IGF2BP2: variants seen among roughly 807,000 people sequenced by gnomAD.
IGF2BP2 encodes the protein insulin-like growth factor 2 mRNA-binding protein 2.
IGF2BP2 carries 17 observed loss-of-function variants against 75.8 expected under a neutral mutation model. The observed-to-expected ratio is 0.22, with a 90% CI of 0.15 to 0.34. The LOEUF (loss-of-function observed/expected upper bound fraction) is 0.34, where lower values mean the gene tolerates loss of function less well. Among genes scored for constraint, IGF2BP2 ranks in the 10% least tolerant of loss-of-function variants. IGF2BP2 has a pLI of 1.00. For missense variants in IGF2BP2, 516 were observed against 772.4 expected (o/e 0.67, Z 3.93); for synonymous variants, 288 against 295.6 (o/e 0.97, Z 0.26).
chr3:185,786,771 A>C (rs1322629344), intron 2 of IGF2BP2, among the ~76,000 whole-genome samples: 1 of 152,180 alleles, frequency 6.6e-6, no homozygotes, highest in African/African-American at 2.4e-5. Context: ...ACCTACATAT[A>C]CATTTTTTTT....
intron 2 of IGF2BP2, among the ~76,000 whole-genome samples, chr3:185,773,803 T>A (rs1734185851): frequency 6.6e-6 from 1 of 152,200 alleles, no homozygotes; most frequent in African/African-American, 2.4e-5. Flanking sequence ...TTTCTTTTCA[T>A]TAGCTCAATT....
intron 2 of IGF2BP2, among the ~76,000 whole-genome samples, chr3:185,816,545 CGTTAAAT>C (rs1560517283): frequency 6.6e-6 from 1 of 152,114 alleles, no homozygotes; most frequent in African/African-American, 2.4e-5. Context: ...TAATGTAAAA[CGTTAAAT>C]GGGGAGGAAG....
chr3:185,817,096 A>G (rs1052533184), intron 2 of IGF2BP2, among the ~76,000 whole-genome samples: 3 of 152,250 alleles, frequency 2.0e-5, no homozygotes, highest in African/African-American at 4.8e-5. Context: ...TTCATTTATC[A>G]GACTTATTAA....
At position 185,647,482 on chromosome 3, in the gene IGF2BP2, C is replaced by T. The variant is rs1020773268; in HGVS notation, c.1594-344G>A. Among the ~76,000 whole-genome samples the T allele has an allele frequency of 2.0e-5, 3 of 152,032 alleles. No individual in the cohort carries two copies. Among genetic ancestry groups the T allele is most frequent in the African/African-American group, 7.2e-5 (3 of 41,388 alleles). On this transcript the variant is annotated intron_variant, in intron 14 of 15. Coordinates refer to ENST00000382199, the MANE Select transcript of IGF2BP2 (RefSeq NM_006548.6). The surrounding 1 kb of genome is among the most constrained non-coding windows in gnomAD (Gnocchi z 4.9). ...CTTTCCCATACCCCCCCACTCCCCA[C>T]CCCTACCCTGTAAGATCATTCCTCC... is the stretch of plus-strand genomic sequence containing the variant.
At chr3:185,787,203 A>G (rs1443777099) in intron 2 of IGF2BP2, among the ~76,000 whole-genome samples, 2 of 152,192 alleles carry the variant, frequency 1.3e-5, no homozygotes, top group Non-Finnish European at 2.9e-5. Flanking sequence ...AGTTCTGGAG[A>G]TAGATAGTGG....
chr3:185,649,426 C>A lies in IGF2BP2; in HGVS notation c.1570G>T (p.Val524Leu). 1 of 1,613,784 alleles carries A rather than the reference C, an allele frequency of 6.2e-7. No individual in the cohort carries two copies. Among genetic ancestry groups the A allele is most frequent in the East Asian group, 2.2e-5 (1 of 44,884 alleles). ...IRVPSSTAGR[V>L]IGKGGKTVNE... is the part of the protein sequence containing the mutation. The stretch of plus-strand genomic sequence containing the variant: ...ACGGTCTTGCCACCTTTGCCAATCA[C>A]CCGGCCAGCTGTGGAAGAGGGCACT... The change falls in exon 14 of 16, where the codon GTG becomes TTG. Residue 524 changes from valine (V) to leucine (L), a missense_variant. By Grantham distance (32) the Val-to-Leu change is conservative. This residue lies in a region of IGF2BP2 where 129 missense variants were observed against 230.5 expected (regional missense o/e 0.56). Transcript: ENST00000382199.
At chr3:185,677,354 CAG>C (rs1560277242) in intron 7 of IGF2BP2, among the ~76,000 whole-genome samples, 2 of 151,776 alleles carry the variant, frequency 1.3e-5, no homozygotes, top group Non-Finnish European at 2.9e-5. Flanking sequence ...CTGCTGAAAA[CAG>C]AGGCAAGCAG....
chr3:185,784,599 A>G (rs1735628409), intron 2 of IGF2BP2, among the ~76,000 whole-genome samples: 1 of 152,250 alleles, frequency 6.6e-6, no homozygotes, highest in Admixed American at 6.5e-5. Flanking sequence ...TCCCCATGCA[A>G]TGAATGCTGT....
intron 2 of IGF2BP2, among the ~76,000 whole-genome samples, chr3:185,788,040 A>C (rs1224717403): frequency 6.6e-6 from 1 of 152,246 alleles, no homozygotes; most frequent in East Asian, 1.9e-4. Context: ...GCATGAAAGC[A>C]AGGACTTTCC....
intron 2 of IGF2BP2, among the ~76,000 whole-genome samples, chr3:185,708,172 TC>T (rs1455497762): frequency 2.6e-5 from 4 of 152,274 alleles, no homozygotes; most frequent in African/African-American, 9.6e-5. Flanking sequence ...CAGTTAGGGA[TC>T]ATGGTTAGGG....
chr3:185,646,942 T>TC, intron 15 of IGF2BP2, 83 bp downstream of exon 15: 1 of 1,028,200 alleles, frequency 9.7e-7, no homozygotes, highest in Non-Finnish European at 1.5e-6. Flanking sequence ...TCAGGGCCTG[T>TC]GGCCACCTGA....
At chr3:185,666,609 A>G (rs1393593443) in intron 10 of IGF2BP2, among the ~76,000 whole-genome samples, 2 of 152,232 alleles carry the variant, frequency 1.3e-5, no homozygotes, top group Non-Finnish European at 2.9e-5. Flanking sequence ...AGCCTGGGCG[A>G]CAGAGCAAGA....
chr3:185,674,952 C>G (rs892383445), intron 9 of IGF2BP2: 1 of 164,664 alleles, frequency 6.1e-6, no homozygotes, highest in Non-Finnish European at 1.3e-5. Context: ...CTGCCTCAGC[C>G]TCTTGAGTAG....
chr3:185,674,477 G>A lies in IGF2BP2; in HGVS notation c.1071+819C>T, dbSNP rs6797497. 4.4e-3 allele frequency among the ~76,000 whole-genome samples: 665 copies of A among 152,112 alleles called. 6 individuals are homozygous for A. The highest frequency in any genetic ancestry group is 0.015 in the African/African-American group (607 of 41,480). ...TTTGTTTGTTTGTTTTTTGAATGCC[G>A]GATCAGTGTCTCCCCATTAAGAGTA... On this transcript the variant is annotated intron_variant, in intron 9 of 15. Transcript: ENST00000382199.
chr3:185,742,199 A>AG (rs1729646260), intron 2 of IGF2BP2, among the ~76,000 whole-genome samples: 1 of 151,536 alleles, frequency 6.6e-6, no homozygotes, highest in South Asian at 2.1e-4. Flanking sequence ...AAAAAAAAAA[A>AG]AAAAAATTAG....
Position 185,799,514 on chromosome 3 carries a change from C to T in IGF2BP2, c.239+23639G>A, listed in dbSNP as rs528292765. On this transcript the variant is annotated intron_variant, in intron 2 of 15. Coordinates refer to ENST00000382199, the MANE Select transcript of IGF2BP2 (RefSeq NM_006548.6). The stretch of plus-strand genomic sequence containing the variant: ...CTGTAATCCCAGCACTTTGGGAGGC[C>T]GAGGCGGGCGGATCACGAGGTCAGG... 1.2e-4 allele frequency among the ~76,000 whole-genome samples: 19 copies of T among 152,144 alleles called. No homozygotes were observed. The South Asian group carries it at 3.7e-3, about 30-fold the overall frequency.
At chr3:185,745,070 G>A (rs1277787501) in intron 2 of IGF2BP2, among the ~76,000 whole-genome samples, 1 of 152,184 alleles carries the variant, frequency 6.6e-6, no homozygotes, top group Non-Finnish European at 1.5e-5. Flanking sequence ...GCAGAGCCAG[G>A]AGGAGACATG....
intron 2 of IGF2BP2, among the ~76,000 whole-genome samples, chr3:185,737,585 C>T (rs1356840061): frequency 6.6e-6 from 1 of 152,170 alleles, no homozygotes; most frequent in Admixed American, 6.5e-5. Flanking sequence ...AAATTGGAAA[C>T]AAGTATGTCA....
At chr3:185,757,841 ATGATTGCTGAT>A (rs1181290199) in intron 2 of IGF2BP2, among the ~76,000 whole-genome samples, 1 of 152,170 alleles carries the variant, frequency 6.6e-6, no homozygotes, top group Admixed American at 6.5e-5. Context: ...TGCTCAGTAA[ATGATTGCTGAT>A]TGATTTCTGA....
Sources: gnomAD v4.1 joint callset for allele counts (sites outside exome capture counted in the v4.1 genomes callset) on GRCh38, gnomAD v4.1.1 for gene constraint, gnomAD v4.1.1 regional missense constraint, Gnocchi (gnomAD v3.1) non-coding constraint, MANE v1.5 for transcripts, NCBI Gene and HGNC (gene_info 2026-07-23, HGNC 2026-07-21) for gene names.